PRSS12: variants seen among roughly 807,000 people sequenced by gnomAD.
PRSS12 encodes neurotrypsin.
A neutral mutation model predicts 104.4 loss-of-function variants in PRSS12; 85 were observed. The observed-to-expected ratio is 0.81, with a 90% CI of 0.68 to 0.98. The LOEUF is 0.98. PRSS12 is among the 50% of genes least tolerant of loss of function. PRSS12 has a pLI of 0.00. For synonymous variants in PRSS12, 454 were observed against 425.2 expected (o/e 1.07, Z -0.83); for missense variants, 1,141 against 1,139.2 (o/e 1.00, Z -0.02).
In PRSS12 at chr4:118,352,324, G is replaced by A. The variant is rs1724530707; in HGVS notation, c.397C>T (p.Gln133Ter). Reference protein sequence around the residue: ...PPASWAQLRGQRHNFCRSPDG... With the variant: ...PPASWAQLRG ...GGGCTCCGACAAAAGTTGTGGCGCT[G>A]TCCTCGCAGCTGAGCCCAGCTCGCT... Residue 133 changes from glutamine (Q) to a stop codon, truncating the protein, a stop_gained, in exon 1 of 13, where the codon CAG becomes TAG. Transcript: ENST00000296498. LOFTEE classifies it high-confidence loss of function. The A allele has an allele frequency of 1.3e-6, 2 of 1,592,096 alleles. No individual in the cohort carries two copies. The highest frequency in any genetic ancestry group is 1.7e-6 in the Non-Finnish European group (2 of 1,173,142).
At chr4:118,320,849 T>G (rs1723598766) in intron 4 of PRSS12, among the ~76,000 whole-genome samples, 1 of 152,022 alleles carries the variant, frequency 6.6e-6, no homozygotes, top group Admixed American at 6.6e-5. Flanking sequence ...ATTCAAAGAG[T>G]GTGCCAAACT....
At chr4:118,288,545 G>C (rs1294460650) in intron 11 of PRSS12, among the ~76,000 whole-genome samples, 2 of 152,164 alleles carry the variant, frequency 1.3e-5, no homozygotes, top group Non-Finnish European at 2.9e-5. Flanking sequence ...ATGAGATAAA[G>C]TCAGGTAAAG....
intron 1 of PRSS12, among the ~76,000 whole-genome samples, chr4:118,349,521 T>C (rs1724439624): frequency 6.6e-6 from 1 of 152,142 alleles, no homozygotes; most frequent in Non-Finnish European, 1.5e-5. Flanking sequence ...GTCCATAAAC[T>C]ACAAAATGAG....
At chr4:118,286,688 C>T (rs775088451) in intron 11 of PRSS12, among the ~76,000 whole-genome samples, 9 of 152,204 alleles carry the variant, frequency 5.9e-5, no homozygotes, top group Non-Finnish European at 1.0e-4. Flanking sequence ...CATACATACA[C>T]TCTCATCCCT....
intron 7 of PRSS12, among the ~76,000 whole-genome samples, chr4:118,310,218 C>A (rs1743672569): frequency 6.6e-6 from 1 of 152,056 alleles, no homozygotes; most frequent in South Asian, 2.1e-4. Context: ...AAATGAAATT[C>A]TTTTATTAAA....
intron 11 of PRSS12, among the ~76,000 whole-genome samples, chr4:118,291,563 C>G (rs1743127996): frequency 6.6e-6 from 1 of 152,088 alleles, no homozygotes; most frequent in African/African-American, 2.4e-5. Flanking sequence ...GGCAACAAAT[C>G]TAATCCAGTC....
intron 11 of PRSS12, among the ~76,000 whole-genome samples, chr4:118,291,825 G>T (rs1442316787): frequency 1.3e-5 from 2 of 152,106 alleles, no homozygotes; most frequent in Non-Finnish European, 1.5e-5. Context: ...TATTAAAGTT[G>T]CAGGACGCTA....
chr4:118,324,091 G>C (rs34548184), intron 4 of PRSS12, among the ~76,000 whole-genome samples: 1 of 151,814 alleles, frequency 6.6e-6, no homozygotes, highest in African/African-American at 2.4e-5. Context: ...GCAAAGATAG[G>C]GTTTCTCCAT....
At chr4:118,325,926 CACTT>C (rs1280620623) in intron 4 of PRSS12, among the ~76,000 whole-genome samples, 1 of 152,180 alleles carries the variant, frequency 6.6e-6, no homozygotes, top group Non-Finnish European at 1.5e-5. Flanking sequence ...CCTCAATAAA[CACTT>C]ACTGAACTGG....
intron 11 of PRSS12, among the ~76,000 whole-genome samples, chr4:118,292,482 G>A (rs1743151627): frequency 6.6e-6 from 1 of 152,112 alleles, no homozygotes; most frequent in Admixed American, 6.5e-5. Flanking sequence ...GGTCATATCA[G>A]CAAAGTCAAC....
intron 3 of PRSS12, 83 bp from the exon 4 acceptor site, chr4:118,331,949 C>A: frequency 1.3e-6 from 2 of 1,545,804 alleles, no homozygotes; most frequent in South Asian, 2.3e-5. Context: ...TATTTTTTGC[C>A]ATTCTCAATA....
chr4:118,294,948 C>T lies in PRSS12; in HGVS notation c.2030G>A (p.Cys677Tyr), dbSNP rs1743219571. 1 of 1,614,110 alleles carries T rather than the reference C, an allele frequency of 6.2e-7. No homozygotes were observed. Among genetic ancestry groups the T allele is most frequent in the Non-Finnish European group, 8.5e-7 (1 of 1,180,012 alleles). Reference sequence around the variant, plus strand: ...GAAGGTGGACACATACCTCTTGAAACAGTGTGCTGCTGTGAGGACCCAGCA... The same window carrying T: ...GAAGGTGGACACATACCTCTTGAAATAGTGTGCTGCTGTGAGGACCCAGCA... ...SSCWVLTAAH[C>Y]FKRYGNSTRS... is the part of the protein sequence containing the mutation. The change falls in exon 11 of 13, where the codon TGT (cysteine) becomes TAT (tyrosine). Residue 677 changes from cysteine to tyrosine, a missense_variant. Physicochemically the swap from Cys to Tyr is radical, Grantham distance 194 (BLOSUM62 -2). Transcript: ENST00000296498.
intron 4 of PRSS12, among the ~76,000 whole-genome samples, chr4:118,321,301 A>C (rs1723611602): frequency 6.6e-6 from 1 of 152,218 alleles, no homozygotes; most frequent in Admixed American, 6.5e-5. Context: ...AGCTGTTTCA[A>C]AGTATGTCTA....
chr4:118,325,539 C>T (rs2126038333), intron 4 of PRSS12, among the ~76,000 whole-genome samples: 1 of 152,072 alleles, frequency 6.6e-6, no homozygotes, highest in South Asian at 2.1e-4. Flanking sequence ...GTTAAGAAAA[C>T]AGTATTTACA....
At position 118,318,371 on chromosome 4, in the gene PRSS12, T is replaced by A; in HGVS notation, c.1150+7A>T. 1 of 1,613,728 alleles carries A rather than the reference T, an allele frequency of 6.2e-7. No individual in the cohort carries two copies. Among genetic ancestry groups the A allele is most frequent in the Non-Finnish European group, 8.5e-7 (1 of 1,179,764 alleles). On this transcript the variant is annotated splice_region_variant and intron_variant, in intron 5 of 12. Transcript: ENST00000296498. ...GAACTGGTACACTAATGGAGTGAAA[T>A]CCTTACCTGTTAGAGGGGTACAGGA...
At chr4:118,347,198 T>C (rs949449470) in intron 1 of PRSS12, among the ~76,000 whole-genome samples, 1 of 152,134 alleles carries the variant, frequency 6.6e-6, no homozygotes, top group Non-Finnish European at 1.5e-5. Flanking sequence ...AACCAGGAAA[T>C]GTATCAAATC....
intron 1 of PRSS12, among the ~76,000 whole-genome samples, chr4:118,344,162 T>A (rs1175886238): frequency 1.3e-5 from 2 of 152,128 alleles, no homozygotes; most frequent in African/African-American, 4.8e-5. Flanking sequence ...TTCAAAAGAA[T>A]AGAAAAAAAC....
In PRSS12 at chr4:118,282,077, G is replaced by A. The variant is rs1200534612; in HGVS notation, c.2487C>T (p.Leu829=). 1 of 1,614,094 alleles carries A rather than the reference G, an allele frequency of 6.2e-7. No homozygotes were observed. Among genetic ancestry groups the A allele is most frequent in the South Asian group, 1.1e-5 (1 of 91,060 alleles). The change falls in exon 13 of 13, where the codon CTC becomes CTT. Residue 829 remains leucine, a synonymous_variant. Transcript: ENST00000296498. The part of the protein sequence containing the change: ...DSCQGDSGGP[L]MCERPGESWV... ...AGCTCTCTCCGGGCCGTTCACACAT[G>A]AGTGGTCCTCCGCTGTCTCCCTGGC...
intron 7 of PRSS12, among the ~76,000 whole-genome samples, chr4:118,310,004 G>A (rs1743665006): frequency 6.6e-6 from 1 of 152,214 alleles, no homozygotes; most frequent in East Asian, 1.9e-4. Flanking sequence ...GAATCACAGA[G>A]CAAAATCAAA....
Sources: allele counts gnomAD v4.1 joint callset (sites outside exome capture counted in the v4.1 genomes callset), GRCh38; gene constraint gnomAD v4.1.1; transcripts MANE v1.5; gene names NCBI Gene and HGNC (gene_info 2026-07-23, HGNC 2026-07-21).